Variants in TAS2R1 observed in about 807,000 individuals in gnomAD.
TAS2R1 encodes the protein taste 2 receptor member 1.
For synonymous variants in TAS2R1, 141 were observed against 134.2 expected, an observed-to-expected ratio of 1.05 and a Z score of -0.35; for missense variants, 370 against 353.4, an observed-to-expected ratio of 1.05 and a Z score of -0.38.
the TAS2R1 span, among the ~76,000 whole-genome samples, chr5:9,823,806 T>C: frequency 6.6e-6 from 1 of 152,156 alleles, no homozygotes; most frequent in Admixed American, 6.5e-5. Context: ...TGAAAATGCA[T>C]GCTCACTACT....
chr5:9,847,857 C>A, the TAS2R1 span, among the ~76,000 whole-genome samples: 1 of 152,180 alleles, frequency 6.6e-6, no homozygotes, highest in Non-Finnish European at 1.5e-5. Context: ...CTGGGCAGGG[C>A]ACCAACTACT....
chr5:9,880,471 C>T, the TAS2R1 span, among the ~76,000 whole-genome samples: 2 of 152,112 alleles, frequency 1.3e-5, no homozygotes, highest in Non-Finnish European at 1.5e-5. Flanking sequence ...CATTCTCTGT[C>T]GTAGATCTAG....
chr5:9,791,423 G>A, the TAS2R1 span, among the ~76,000 whole-genome samples: 2 of 152,238 alleles, frequency 1.3e-5, no homozygotes. Flanking sequence ...ACCGGACCGG[G>A]TGCAGTGGCT....
the TAS2R1 span, among the ~76,000 whole-genome samples, chr5:9,897,169 G>A: frequency 6.6e-6 from 1 of 152,328 alleles, no homozygotes; most frequent in Admixed American, 6.5e-5. Context: ...AGCTAGATAT[G>A]GCTGGGCACG....
the TAS2R1 span, among the ~76,000 whole-genome samples, chr5:9,894,088 A>G: frequency 6.6e-6 from 1 of 152,170 alleles, no homozygotes. Context: ...CCCCAATCCA[A>G]TCTGATTTGT....
At chr5:9,784,885 A>T in the TAS2R1 span, among the ~76,000 whole-genome samples, 1 of 152,148 alleles carries the variant, frequency 6.6e-6, no homozygotes, top group African/African-American at 2.4e-5. Context: ...CCTCATCTCA[A>T]CTTAACTAAT....
At chr5:9,654,956 T>C (rs1740380048) in intron 2 of TAS2R1, among the ~76,000 whole-genome samples, 1 of 152,176 alleles carries the variant, frequency 6.6e-6, no homozygotes, top group South Asian at 2.1e-4. Context: ...GTTATAAAAA[T>C]GCTCACAGTA....
the TAS2R1 span, among the ~76,000 whole-genome samples, chr5:9,831,836 G>A: frequency 1.3e-5 from 2 of 152,142 alleles, no homozygotes; most frequent in African/African-American, 2.4e-5. Flanking sequence ...TGAAAAGGTC[G>A]TTAGGTCTTT....
chr5:9,762,055 C>T, the TAS2R1 span, among the ~76,000 whole-genome samples: 1 of 152,142 alleles, frequency 6.6e-6, no homozygotes, highest in African/African-American at 2.4e-5. Context: ...CTCAACAAGA[C>T]AAAAGGGCTC....
At chr5:9,742,165 G>C in the TAS2R1 span, among the ~76,000 whole-genome samples, 591 of 152,196 alleles carry the variant, frequency 3.9e-3, 5 homozygotes, top group African/African-American at 0.013. Flanking sequence ...GATTACAGAC[G>C]TGAGCCACCA....
At position 9,642,947 on chromosome 5, in the gene TAS2R1, TTCTC is replaced by T. The variant is rs200959181; in HGVS notation, c.-80-12959_-80-12956del. 4.7e-3 allele frequency among the ~76,000 whole-genome samples: 719 copies of T among 151,784 alleles called. 3 individuals are homozygous for T. Among genetic ancestry groups the T allele is most frequent in the African/African-American group, 0.016 (681 of 41,456 alleles). ...CCTTCCTTGCTTCTTCCCTCCCTCC[TTCTC>T]TCTTTCTTTCCCTTCTTTCCTTTTT... On this transcript the variant is annotated intron_variant, in intron 2 of 2. Coordinates refer to the TAS2R1 transcript ENST00000506620.
the TAS2R1 span, among the ~76,000 whole-genome samples, chr5:9,718,248 C>T: frequency 2.0e-5 from 3 of 150,596 alleles, no homozygotes; most frequent in South Asian, 2.2e-4. Flanking sequence ...GGATTACAGG[C>T]GTGAGCCACT....
the TAS2R1 span, among the ~76,000 whole-genome samples, chr5:9,727,471 G>A: frequency 5.9e-5 from 9 of 152,134 alleles, no homozygotes; most frequent in Non-Finnish European, 1.2e-4. Context: ...TCTTACAGCC[G>A]AAAGCCATGA....
chr5:9,629,652 T>A lies in TAS2R1; in HGVS notation c.381A>T (p.Pro127=). Residue 127 remains proline (P), a synonymous_variant, in exon 1 of 1, where the codon CCA becomes CCT. Coordinates refer to ENST00000382492, the MANE Select transcript of TAS2R1 (RefSeq NM_019599.3). The part of the protein sequence containing the change: ...WLKMRISKLV[P]WMILGSLLYV... ...ATAGCAGAGACCCCAGGATCATCCA[T>A]GGGACCAGCTTGGATATCCTCATCT... 1 of 1,614,158 alleles carries A rather than the reference T, an allele frequency of 6.2e-7. No homozygotes were observed. Among genetic ancestry groups the A allele is most frequent in the South Asian group, 1.1e-5 (1 of 91,086 alleles).
chr5:9,651,125 T>C (rs78542935), intron 2 of TAS2R1, among the ~76,000 whole-genome samples: 7,335 of 152,242 alleles, frequency 0.048, 326 homozygotes, highest in African/African-American at 0.12. Flanking sequence ...TGCTGTGGTG[T>C]GGAGAAATTC....
the TAS2R1 span, among the ~76,000 whole-genome samples, chr5:9,822,490 C>T: frequency 6.6e-6 from 1 of 151,866 alleles, no homozygotes; most frequent in African/African-American, 2.4e-5. Context: ...GCTGGGACTA[C>T]AGGTGTGTGC....
chr5:9,895,398 C>T, the TAS2R1 span, among the ~76,000 whole-genome samples: 1 of 152,172 alleles, frequency 6.6e-6, no homozygotes, highest in Non-Finnish European at 1.5e-5. Flanking sequence ...ACCGCCATTG[C>T]CTTTGAAAGT....
chr5:9,750,916 C>A, the TAS2R1 span, among the ~76,000 whole-genome samples: 8 of 152,046 alleles, frequency 5.3e-5, no homozygotes, highest in East Asian at 9.6e-4. Flanking sequence ...AGCTATTACA[C>A]AACTGTCTCA....
chr5:9,903,189 A>AT, the TAS2R1 span, among the ~76,000 whole-genome samples: 426 of 152,046 alleles, frequency 2.8e-3, 1 homozygote, highest in Non-Finnish European at 5.1e-3. Flanking sequence ...TTATTCATCC[A>AT]TTTTTTTGTA....
Sources: allele counts gnomAD v4.1 joint callset (sites outside exome capture counted in the v4.1 genomes callset), GRCh38; gene constraint gnomAD v4.1.1; transcripts MANE v1.5; gene names NCBI Gene and HGNC (gene_info 2026-07-23, HGNC 2026-07-21).